Variants in SMARCA2 observed in about 807,000 individuals in gnomAD.
SMARCA2 encodes SWI/SNF-related matrix-associated actin-dependent regulator of chromatin subfamily A member 2.
In SMARCA2, 61 loss-of-function variants were observed where a neutral mutation model predicts 199.8. That is an observed-to-expected ratio of 0.31 (90% confidence interval 0.25 to 0.38). The LOEUF is 0.38. Ranked by LOEUF, SMARCA2 falls within the 10% of genes least tolerant of loss-of-function variation. SMARCA2 has a pLI of 1.00. For synonymous variants in SMARCA2, 935 were observed against 732.0 expected, an observed-to-expected ratio of 1.28 and a Z score of -4.48; for missense variants, 1,344 against 2,012.2, an observed-to-expected ratio of 0.67 and a Z score of 6.35.
At chr9:2,153,832 G>A (rs1175898883) in intron 27 of SMARCA2, among the ~76,000 whole-genome samples, 2 of 152,164 alleles carry the variant, frequency 1.3e-5, no homozygotes, top group South Asian at 2.1e-4. Context: ...GTGTGTGAGA[G>A]AGAGAGATCT....
At chr9:2,156,523 G>A (rs1209372802) in intron 27 of SMARCA2, among the ~76,000 whole-genome samples, 8 of 143,430 alleles carry the variant, frequency 5.6e-5, no homozygotes, top group Admixed American at 3.0e-4. Context: ...TCAGCCTCCC[G>A]AGGTTCAAGC....
chr9:2,058,126 C>T (rs536209486), intron 7 of SMARCA2, 165 bp from the exon 8 acceptor site: 61 of 639,458 alleles, frequency 9.5e-5, no homozygotes, highest in African/African-American at 9.4e-4. Flanking sequence ...CCCCATGGCC[C>T]ACACCTTAAC....
intron 6 of SMARCA2, among the ~76,000 whole-genome samples, chr9:2,055,861 A>T (rs912486267): frequency 6.6e-6 from 1 of 152,208 alleles, no homozygotes; most frequent in African/African-American, 2.4e-5. Flanking sequence ...ATTTTCCGGA[A>T]TATGTTTATG....
chr9:2,110,179 C>A lies in SMARCA2; in HGVS notation c.3293-75C>A. 8.3e-7 allele frequency: 1 copy of A among 1,211,790 alleles called. No homozygotes were observed. Among genetic ancestry groups the A allele is most frequent in the South Asian group, 1.6e-5 (1 of 64,358 alleles). The allele number at this position is 1,211,790 out of a possible 1,614,324, so 75.1% of individuals were successfully genotyped here. A position where few individuals can be genotyped will look rare whatever the true frequency, so the allele number is the denominator to read the frequency against. ...GTCTGGGTATATTTCTTGAAGGAAGCAAGCCTTTTTGTCTCATTCTGTGCC... is the reference window on the plus strand; with the variant it reads ...GTCTGGGTATATTTCTTGAAGGAAGAAAGCCTTTTTGTCTCATTCTGTGCC... On this transcript the variant is annotated intron_variant, in intron 23 of 33. Transcript: ENST00000349721. This position sits in a 1 kb window ranked among gnomAD's most constrained non-coding sequence, Gnocchi z 4.8.
intron 19 of SMARCA2, among the ~76,000 whole-genome samples, chr9:2,092,087 G>A (rs66467554): frequency 0.12 from 18,116 of 152,164 alleles, 1,202 homozygotes; most frequent in East Asian, 0.21. Flanking sequence ...AAGGGATTAT[G>A]TAAGAACAAC....
intron 14 of SMARCA2, chr9:2,080,302 G>A (rs1438027413): frequency 6.6e-6 from 1 of 152,130 alleles, no homozygotes; most frequent in African/African-American, 2.4e-5. Context: ...GGCCAATTCT[G>A]CCAGTTTCCA....
Position 2,170,593 on chromosome 9 carries a change from C to A in SMARCA2, c.4253+121C>A. ...TTCTTCGGTCACCTCCTGATCACCC[C>A]TACTTGGAGAGCGGGATAGAGGCAC... On this transcript the variant is annotated intron_variant, in intron 29 of 33. Transcript: ENST00000349721. The surrounding 1 kb of genome is among the most constrained non-coding windows in gnomAD (Gnocchi z 4.7). The A allele has an allele frequency of 6.6e-7, 1 of 1,509,942 alleles. No homozygotes were observed. Among genetic ancestry groups the A allele is most frequent in the Non-Finnish European group, 9.1e-7 (1 of 1,101,030 alleles). The allele number at this position is 1,509,942 out of a possible 1,614,324, so 93.5% of individuals were successfully genotyped here. A position where few individuals can be genotyped will look rare whatever the true frequency, so the allele number is the denominator to read the frequency against.
intron 25 of SMARCA2, 93 bp downstream of exon 25, chr9:2,116,142 G>T: frequency 1.1e-6 from 1 of 918,156 alleles, no homozygotes; most frequent in Non-Finnish European, 1.7e-6. Context: ...AAACTTCCTG[G>T]GCTGGCGTTA....
chr9:2,145,748 T>G (rs186477945), intron 27 of SMARCA2, among the ~76,000 whole-genome samples: 18 of 152,344 alleles, frequency 1.2e-4, no homozygotes, highest in Admixed American at 1.2e-3. Flanking sequence ...CTCAACTGTT[T>G]TTACAGTATC....
intron 21 of SMARCA2, 31 bp downstream of exon 21, chr9:2,097,502 T>G (rs367899603): frequency 1.8e-4 from 250 of 1,354,482 alleles, no homozygotes; most frequent in Middle Eastern, 1.8e-3. Context: ...TTGAGCCTGA[T>G]TGTGCTAATC....
Position 2,104,143 on chromosome 9 carries a change from G to A in SMARCA2, c.3266G>A (p.Arg1089Gln), listed in dbSNP as rs1457066061. ...ATCATGGAGGATTATTTTGCTTTTC[G>A]GAACTTCCTTTACCTACGCCTTGAT... ...MTIMEDYFAFRNFLYLRLDGT... is the reference protein window; with the variant it reads ...MTIMEDYFAFQNFLYLRLDGT... The change falls in exon 23 of 34, where the codon CGG becomes CAG. Residue 1089 changes from arginine (R) to glutamine (Q), a missense_variant. Physicochemically the swap from Arg to Gln is conservative, Grantham distance 43 (BLOSUM62 1). Coordinates refer to ENST00000349721, the MANE Select transcript of SMARCA2 (RefSeq NM_003070.5). This position sits in a 1 kb window ranked among gnomAD's most constrained non-coding sequence, Gnocchi z 4.0. 5 of 1,613,852 alleles carry A rather than the reference G, an allele frequency of 3.1e-6. No homozygotes were observed. Among genetic ancestry groups the A allele is most frequent in the Admixed American group, 1.7e-5 (1 of 59,990 alleles).
intron 27 of SMARCA2, among the ~76,000 whole-genome samples, chr9:2,156,559 T>C (rs1008213273): frequency 1.3e-5 from 2 of 151,194 alleles, no homozygotes; most frequent in African/African-American, 4.9e-5. Flanking sequence ...GACTCCTGAG[T>C]AGGTGGGATT....
intron 29 of SMARCA2, among the ~76,000 whole-genome samples, chr9:2,172,140 G>C (rs1157283196): frequency 6.6e-6 from 1 of 152,090 alleles, no homozygotes; most frequent in East Asian, 1.9e-4. Flanking sequence ...ATGGTGTTTG[G>C]AGATTGTATT....
At chr9:2,176,188 T>G (rs1291320830) in intron 29 of SMARCA2, among the ~76,000 whole-genome samples, 2 of 135,634 alleles carry the variant, frequency 1.5e-5, no homozygotes, top group Admixed American at 6.9e-5. Flanking sequence ...GCCTGTTTTT[T>G]TTTTTTTTTT....
rs568131789 is a variant in SMARCA2, at chr9:2,110,949, A to C, written c.3456+532A>C. On this transcript the variant is annotated intron_variant, in intron 24 of 33. Transcript: ENST00000349721. This position sits in a 1 kb window ranked among gnomAD's most constrained non-coding sequence, Gnocchi z 4.8. Reference sequence around the variant, plus strand: ...TTTATTTTGTGTTTTATTTAAAGTCATCATCAAAACATATTCTAATGAGCA... The same window carrying C: ...TTTATTTTGTGTTTTATTTAAAGTCCTCATCAAAACATATTCTAATGAGCA... 2.0e-5 allele frequency among the ~76,000 whole-genome samples: 3 copies of C among 152,246 alleles called. No homozygotes were observed. In the South Asian group the frequency reaches 6.2e-4, roughly 32 times the overall value.
At chr9:2,105,982 G>C (rs564202056) in intron 23 of SMARCA2, among the ~76,000 whole-genome samples, 12 of 152,324 alleles carry the variant, frequency 7.9e-5, no homozygotes, top group African/African-American at 2.9e-4. Flanking sequence ...CAGCCTGAGA[G>C]GTTCTCTTTA....
At position 2,182,189 on chromosome 9, in the gene SMARCA2, G is replaced by A; in HGVS notation, c.4408G>A (p.Asp1470Asn). The change falls in exon 31 of 34, where the codon GAT becomes AAT. Residue 1470 changes from aspartate (D) to asparagine (N), a missense_variant. By Grantham distance (23) the Asp-to-Asn change is conservative. Around this residue, in one of 18 missense-constraint regions of SMARCA2, gnomAD observed 151 missense variants for 154.0 expected, o/e 0.98. Coordinates refer to ENST00000349721, the MANE Select transcript of SMARCA2 (RefSeq NM_003070.5). ...CCGGAGCCTAGGCGACCTGGAGAAG[G>A]ATGTCATGCTTCTCTGTCACAACGC... is the stretch of plus-strand genomic sequence containing the variant. Reference protein sequence around the residue: ...KYRSLGDLEKDVMLLCHNAQT... With the variant: ...KYRSLGDLEKNVMLLCHNAQT... 1 of 1,613,448 alleles carries A rather than the reference G, an allele frequency of 6.2e-7. No individual in the cohort carries two copies. The highest frequency in any genetic ancestry group is 8.5e-7 in the Non-Finnish European group (1 of 1,179,370).
intron 27 of SMARCA2, among the ~76,000 whole-genome samples, chr9:2,148,084 C>T (rs1302253702): frequency 6.6e-6 from 1 of 151,752 alleles, no homozygotes; most frequent in Non-Finnish European, 1.5e-5. Flanking sequence ...CCAAATTCAA[C>T]AGCATTTCTG....
chr9:2,033,824 T>C (rs1265702440), intron 3 of SMARCA2, among the ~76,000 whole-genome samples: 3 of 152,258 alleles, frequency 2.0e-5, no homozygotes, highest in Non-Finnish European at 4.4e-5. Flanking sequence ...TCTGCCTTAG[T>C]ATCCACATGA....
Sources: allele counts gnomAD v4.1 joint callset (sites outside exome capture counted in the v4.1 genomes callset), GRCh38; gene constraint gnomAD v4.1.1; regional missense constraint gnomAD v4.1.1; non-coding constraint Gnocchi (gnomAD v3.1); transcripts MANE v1.5; gene names NCBI Gene and HGNC (gene_info 2026-07-23, HGNC 2026-07-21).